The following SLC12A4 variants were observed in gnomAD, a reference collection of about 807,000 sequenced individuals.
The protein encoded by SLC12A4 is solute carrier family 12 member 4.
SLC12A4 carries 84 observed loss-of-function variants against 119.2 expected under a neutral mutation model. The ratio of observed to expected loss-of-function variants is 0.70; its 90% CI spans 0.59 to 0.85. The LOEUF is 0.85. Ranked by LOEUF, SLC12A4 falls within the 40% of genes least tolerant of loss-of-function variation. SLC12A4 has a pLI of 0.00. For missense variants in SLC12A4, 1,298 were observed against 1,476.3 expected (o/e 0.88, Z 1.98); for synonymous variants, 599 against 604.6 (o/e 0.99, Z 0.14).
In SLC12A4 at chr16:67,949,864, C is replaced by T. The variant is rs751710853; in HGVS notation, c.1684G>A (p.Ala562Thr). The T allele has an allele frequency of 1.2e-6, 2 of 1,610,098 alleles. No homozygotes were observed. The highest frequency in any genetic ancestry group is 1.7e-6 in the Non-Finnish European group (2 of 1,178,392). ...GEPTWALLLT[A>T]LIAELGILIA... ...AGGATGCCCAGCTCGGCGATGAGTG[C>T]CGTCAGGAGGAGTGCCCATGTGGGT... The change falls in exon 13 of 24, where the codon GCA (alanine) becomes ACA (threonine). Residue 562 changes from alanine to threonine, a missense_variant. By Grantham distance (58) the Ala-to-Thr change is moderately conservative. Transcript: ENST00000316341. The surrounding 1 kb of genome is among the most constrained non-coding windows in gnomAD (Gnocchi z 4.6).
chr16:67,954,178 GA>G, intron 6 of SLC12A4: 1 of 396,398 alleles, frequency 2.5e-6, no homozygotes. Context: ...GGGGCTCGTG[GA>G]GGGAGCGCCG....
rs757951068 is a variant in SLC12A4, at chr16:67,947,048, C to T, written c.2130G>A (p.Arg710=). 6.2e-7 allele frequency: 1 copy of T among 1,612,262 alleles called. No individual in the cohort carries two copies. Residue 710 remains arginine, a synonymous_variant, in exon 17 of 24, where the codon CGG becomes CGA. Coordinates refer to ENST00000316341, the MANE Select transcript of SLC12A4 (RefSeq NM_005072.5). The stretch of plus-strand genomic sequence containing the variant: ...TGAGCTGGGAGGCGAAGGTGAGGAG[C>T]CGCGGGTACTTCACGTGGAGGTCCT... ...LDEDLHVKYP[R]LLTFASQLKA... is the part of the protein sequence containing the mutation.
chr16:67,954,156 C>A, intron 6 of SLC12A4: 1 of 408,888 alleles, frequency 2.4e-6, no homozygotes, highest in Non-Finnish European at 4.9e-6. Context: ...CTGAGGCTGA[C>A]AGAGCTCCCA....
In SLC12A4 at chr16:67,945,990, G is replaced by A. The variant is rs375573115; in HGVS notation, c.2700C>T (p.Tyr900=). 2.5e-6 allele frequency: 4 copies of A among 1,614,112 alleles called. No individual in the cohort carries two copies. In the East Asian group the frequency reaches 8.9e-5, roughly 36 times the overall value. ...CCACCTCGGCCTCAAGGCGCAGATG[G>A]TACAGAAAGACAGCCAGGTCCTTCT... ...QMKKDLAVFL[Y]HLRLEAEVEV... Residue 900 remains tyrosine, a synonymous_variant, in exon 20 of 24, where the codon TAC becomes TAT. Transcript: ENST00000316341.
chr16:67,950,214 G>A lies in SLC12A4; in HGVS notation c.1629+105C>T. ...TCATGGATGGCCGCCTGGCCCCGGG[G>A]GCCAATAAGGGCAGGACGTGCTGCA... On this transcript the variant is annotated intron_variant, in intron 12 of 23. Coordinates refer to ENST00000316341, the MANE Select transcript of SLC12A4 (RefSeq NM_005072.5). This position sits in a 1 kb window ranked among gnomAD's most constrained non-coding sequence, Gnocchi z 4.3. 1 of 1,373,548 alleles carries A rather than the reference G, an allele frequency of 7.3e-7. No individual in the cohort carries two copies. Among genetic ancestry groups the A allele is most frequent in the South Asian group, 1.4e-5 (1 of 71,508 alleles). The allele number at this position is 1,373,548 out of a possible 1,614,324, so 85.1% of individuals were successfully genotyped here. A position where few individuals can be genotyped will look rare whatever the true frequency, so the allele number is the denominator to read the frequency against.
rs2030346518 is a variant in SLC12A4 at position 67,957,734 on chromosome 16, T to C, written c.544+8A>G. 4 of 1,612,842 alleles carry C rather than the reference T, an allele frequency of 2.5e-6. No individual in the cohort carries two copies. In the African/African-American group the frequency reaches 5.3e-5, roughly 22 times the overall value. On this transcript the variant is annotated splice_region_variant and intron_variant, in intron 5 of 23. Coordinates refer to ENST00000316341, the MANE Select transcript of SLC12A4 (RefSeq NM_005072.5). The stretch of plus-strand genomic sequence containing the variant: ...TCTTCCACCAGGCCTTGGGTGGCGC[T>C]CACTGACCTGGAACCACACCGTTGG...
At position 67,943,764 on chromosome 16, in the gene SLC12A4, G is replaced by A; in HGVS notation, c.*1076C>T. On this transcript the variant is annotated 3_prime_UTR_variant, in exon 24 of 24. Coordinates refer to ENST00000316341, the MANE Select transcript of SLC12A4 (RefSeq NM_005072.5). The surrounding 1 kb of genome is among the most constrained non-coding windows in gnomAD (Gnocchi z 4.6). ...GGGTTAGACAACTGAGAGTCACAGT[G>A]TGGTGGGAGAAGGGACGTCATTCCT... The A allele has an allele frequency of 1.6e-6, 1 of 619,980 alleles. No individual in the cohort carries two copies. The highest frequency in any genetic ancestry group is 2.8e-6 in the Non-Finnish European group (1 of 360,922). The allele number at this position is 619,980 out of a possible 1,614,324, so 38.4% of individuals were successfully genotyped here. A position where few individuals can be genotyped will look rare whatever the true frequency, so the allele number is the denominator to read the frequency against.
Position 67,951,533 on chromosome 16 carries a change from C to T in SLC12A4, c.1133-229G>A. ...AACCACCGTCACCCAGAGCCCGCCA[C>T]TGCCCGCCTTCCACAGAGGCCTTTA... On this transcript the variant is annotated intron_variant, in intron 8 of 23. Coordinates refer to ENST00000316341, the MANE Select transcript of SLC12A4 (RefSeq NM_005072.5). This position sits in a 1 kb window ranked among gnomAD's most constrained non-coding sequence, Gnocchi z 5.2. 1 of 614,908 alleles carries T rather than the reference C, an allele frequency of 1.6e-6. No individual in the cohort carries two copies. The highest frequency in any genetic ancestry group is 2.0e-5 in the South Asian group (1 of 49,708). The allele number at this position is 614,908 out of a possible 1,614,324, so 38.1% of individuals were successfully genotyped here. A position where few individuals can be genotyped will look rare whatever the true frequency, so the allele number is the denominator to read the frequency against.
At position 67,944,207 on chromosome 16, in the gene SLC12A4, G is replaced by A; in HGVS notation, c.*633C>T. 1 of 1,470,208 alleles carries A rather than the reference G, an allele frequency of 6.8e-7. No homozygotes were observed. The highest frequency in any genetic ancestry group is 9.1e-7 in the Non-Finnish European group (1 of 1,104,876). 91.1% of individuals were successfully genotyped at this position (1,470,208 alleles called of 1,614,324 possible). A position where few individuals can be genotyped will look rare whatever the true frequency, so the allele number is the denominator to read the frequency against. ...CAGTGGGAGGGACGGCCTGGCCAGTGGGGGTTGTGGCCAGAGATTGCCGGA... is the reference window on the plus strand; with the variant it reads ...CAGTGGGAGGGACGGCCTGGCCAGTAGGGGTTGTGGCCAGAGATTGCCGGA... On this transcript the variant is annotated 3_prime_UTR_variant, in exon 24 of 24. Coordinates refer to ENST00000316341, the MANE Select transcript of SLC12A4 (RefSeq NM_005072.5). The surrounding 1 kb of genome is among the most constrained non-coding windows in gnomAD (Gnocchi z 6.6).
intron 1 of SLC12A4, chr16:67,964,114 G>A: frequency 1.3e-6 from 2 of 1,512,814 alleles, no homozygotes; most frequent in African/African-American, 1.4e-5. Flanking sequence ...GGGAGGTGGG[G>A]CAAGCCCCAG....
At position 67,950,261 on chromosome 16, in the gene SLC12A4, C is replaced by G. The variant is rs1295182661; in HGVS notation, c.1629+58G>C. ...TGCATCTGTGTTCCCTATCTCTCTC[C>G]CCAGCCGGGCGAGGGCCTGGGAGCA... On this transcript the variant is annotated intron_variant, in intron 12 of 23. Transcript: ENST00000316341. The surrounding 1 kb of genome is among the most constrained non-coding windows in gnomAD (Gnocchi z 4.3). The G allele has an allele frequency of 6.3e-7, 1 of 1,579,174 alleles. No homozygotes were observed. The highest frequency in any genetic ancestry group is 2.2e-5 in the East Asian group (1 of 44,606).
rs1178492448 is a variant in SLC12A4 at position 67,950,304 on chromosome 16, T to TGA, written c.1629+14_1629+15insTC. On this transcript the variant is annotated intron_variant, in intron 12 of 23. Transcript: ENST00000316341. This position sits in a 1 kb window ranked among gnomAD's most constrained non-coding sequence, Gnocchi z 4.3. ...TGGGAGCAGCCAGGCCATGGGGGAG[T>TGA]GCAGAGGGGCTCACCCGGAGGAAGG... 1 of 1,611,570 alleles carries TGA rather than the reference T, an allele frequency of 6.2e-7. No individual in the cohort carries two copies. Among genetic ancestry groups the TGA allele is most frequent in the East Asian group, 2.2e-5 (1 of 44,818 alleles).
At position 67,946,570 on chromosome 16, in the gene SLC12A4, T is replaced by C; in HGVS notation, c.2305A>G (p.Lys769Glu). The C allele has an allele frequency of 6.2e-7, 1 of 1,612,898 alleles. No homozygotes were observed. Among genetic ancestry groups the C allele is most frequent in the South Asian group, 1.1e-5 (1 of 91,082 alleles). ...AGGTGGGCCAGCCCCTCCCGCACCT[T>C]GCTGGCCACCACCACCTGGCAGAAG... ...KGFCQVVVAS[K>E]VREGLAHLIQ... The change falls in exon 18 of 24, where the codon AAG (lysine) becomes GAG (glutamate). Residue 769 changes from lysine (K) to glutamate (E), a missense_variant. By Grantham distance (56) the Lys-to-Glu change is moderately conservative. Coordinates refer to ENST00000316341, the MANE Select transcript of SLC12A4 (RefSeq NM_005072.5).
intron 17 of SLC12A4, 82 bp downstream of exon 17, chr16:67,946,855 C>T: frequency 6.7e-7 from 1 of 1,493,824 alleles, no homozygotes; most frequent in South Asian, 1.3e-5. Context: ...CCACCCTGGC[C>T]AAGACTGGGC....
intron 14 of SLC12A4, 88 bp from the exon 15 acceptor site, chr16:67,947,876 C>A: frequency 2.6e-6 from 4 of 1,523,104 alleles, no homozygotes; most frequent in Non-Finnish European, 2.7e-6. Flanking sequence ...CCTGTCAGGT[C>A]CCGGGTGGGA....
chr16:67,961,224 A>C (rs1167134159), intron 3 of SLC12A4, among the ~76,000 whole-genome samples: 3 of 152,200 alleles, frequency 2.0e-5, no homozygotes, highest in Non-Finnish European at 2.9e-5. Flanking sequence ...TCCTTGTCTG[A>C]AAAATGGGGA....
rs1470380273 is a variant in SLC12A4 at position 67,966,828 on chromosome 16, AG to A, written c.115+1610del. On this transcript the variant is annotated intron_variant, in intron 1 of 23. Coordinates refer to ENST00000316341, the MANE Select transcript of SLC12A4 (RefSeq NM_005072.5). ...AGGAGTAAGAGGAGGAGAAAGAGGAAGGGAGGCAGTGGGAGGAGCTGGCCTA... is the reference window on the plus strand; with the variant it reads ...AGGAGTAAGAGGAGGAGAAAGAGGAAGGAGGCAGTGGGAGGAGCTGGCCTA... 3.2e-6 allele frequency: 5 copies of A among 1,549,400 alleles called. No individual in the cohort carries two copies. The Admixed American group carries it at 5.9e-5, about 18-fold the overall frequency.
At chr16:67,947,989 G>A in intron 14 of SLC12A4, 72 bp downstream of exon 14, 1 of 1,549,206 alleles carries the variant, frequency 6.5e-7, no homozygotes, top group Non-Finnish European at 8.9e-7. Context: ...TCCCTACCCA[G>A]GAAACCCAAG....
Position 67,945,358 on chromosome 16 carries a change from G to A in SLC12A4, c.3032+11C>T, listed in dbSNP as rs777463756. 2 of 1,608,482 alleles carry A rather than the reference G, an allele frequency of 1.2e-6. No individual in the cohort carries two copies. Among genetic ancestry groups the A allele is most frequent in the Non-Finnish European group, 1.7e-6 (2 of 1,176,580 alleles). On this transcript the variant is annotated intron_variant, in intron 22 of 23. Coordinates refer to ENST00000316341, the MANE Select transcript of SLC12A4 (RefSeq NM_005072.5). ...TTCCAGTGCCGCTGGGGCTGTTTTT[G>A]CTGCACTCACGGCTTAATGTGCACC...
Sources: allele counts gnomAD v4.1 joint callset (sites outside exome capture counted in the v4.1 genomes callset), GRCh38; gene constraint gnomAD v4.1.1; non-coding constraint Gnocchi (gnomAD v3.1); transcripts MANE v1.5; gene names NCBI Gene and HGNC (gene_info 2026-07-23, HGNC 2026-07-21).